The following MMRN2 variants were observed in gnomAD, a reference collection of about 807,000 sequenced individuals.
The protein encoded by MMRN2 is multimerin-2.
A neutral mutation model predicts 68.8 loss-of-function variants in MMRN2; 53 were observed. The ratio of observed to expected loss-of-function variants is 0.77; its 90% CI spans 0.62 to 0.97. The LOEUF is 0.97. Among genes scored for constraint, MMRN2 ranks in the 50% least tolerant of loss-of-function variants. The pLI, the probability that MMRN2 is intolerant of heterozygous loss-of-function variation, is 0.00. For missense variants in MMRN2, 1,266 were observed against 1,259.5 expected, an observed-to-expected ratio of 1.01 and a Z score of -0.08; for synonymous variants, 564 against 551.6, an observed-to-expected ratio of 1.02 and a Z score of -0.32.
rs746060973 is a variant in MMRN2 at position 86,945,385 on chromosome 10, T to C, written c.385A>G (p.Asn129Asp). 28 of 1,589,252 alleles carry C rather than the reference T, an allele frequency of 1.8e-5. No individual in the cohort carries two copies. Among genetic ancestry groups the C allele is most frequent in the Non-Finnish European group, 2.3e-5 (27 of 1,167,128 alleles). Reference protein sequence around the residue: ...WRCCPGYTGPNCEHHDSMAIP... With the variant: ...WRCCPGYTGPDCEHHDSMAIP... ...GGAGCCCTACCGTGGTGCTCGCAGT[T>C]GGGGCCCGTGTAGCCAGGGCAGCAC... Residue 129 changes from asparagine (N) to aspartate (D), a missense_variant, in exon 3 of 7, where the codon AAC (asparagine) becomes GAC (aspartate). Coordinates refer to ENST00000372027, the MANE Select transcript of MMRN2 (RefSeq NM_024756.3).
Position 86,937,006 on chromosome 10 carries a change from G to T in MMRN2, c.2587C>A (p.Arg863=). 1 of 1,614,202 alleles carries T rather than the reference G, an allele frequency of 6.2e-7. No homozygotes were observed. The highest frequency in any genetic ancestry group is 8.5e-7 in the Non-Finnish European group (1 of 1,180,042). ...AGGTAGACACCACGCTCAGGGGCTC[G>T]GAAGTAGCCATGTTCAGGGAAGTAG... is the stretch of plus-strand genomic sequence containing the variant. ...SSYFPEHGYF[R]APERGVYLFA... is the part of the protein sequence containing the mutation. Residue 863 remains arginine (R), a synonymous_variant, in exon 7 of 7, where the codon CGA becomes AGA. Transcript: ENST00000372027.
Position 86,955,954 on chromosome 10 carries a change from A to G in MMRN2, c.164+1424T>C, listed in dbSNP as rs145875839. Among the ~76,000 whole-genome samples, 473 of 152,202 alleles carry G rather than the reference A, an allele frequency of 3.1e-3. 3 individuals are homozygous for G. Among genetic ancestry groups the G allele is most frequent in the African/African-American group, 0.01 (421 of 41,540 alleles). ...CCCAAACCCTCACTCCTTGGGGCTA[A>G]GGGAGCAATGTCTCTCCCACAACCA... On this transcript the variant is annotated intron_variant, in intron 1 of 6. Transcript: ENST00000372027.
intron 1 of MMRN2, among the ~76,000 whole-genome samples, chr10:86,947,150 C>T (rs1048743734): frequency 1.3e-5 from 2 of 152,084 alleles, no homozygotes; most frequent in African/African-American, 4.8e-5. Context: ...GCTGTGTCCA[C>T]GGTCTGGGGA....
At position 86,942,745 on chromosome 10, in the gene MMRN2, G is replaced by A; in HGVS notation, c.2039C>T (p.Pro680Leu). ...CTCCTCGCGGCCCGCGTCGTGGCTGGGCTCCAGGTGCTCTGCCGGCCGCGG... is the reference window on the plus strand; with the variant it reads ...CTCCTCGCGGCCCGCGTCGTGGCTGAGCTCCAGGTGCTCTGCCGGCCGCGG... ...EPPRPAEHLE[P>L]SHDAGREEAA... Residue 680 changes from proline to leucine, a missense_variant, in exon 6 of 7, where the codon CCC becomes CTC. Pro to Leu is a moderately conservative substitution (Grantham distance 98, BLOSUM62 -3). Transcript: ENST00000372027. 3 of 1,402,046 alleles carry A rather than the reference G, an allele frequency of 2.1e-6. No homozygotes were observed. Among genetic ancestry groups the A allele is most frequent in the Non-Finnish European group, 2.8e-6 (3 of 1,086,230 alleles). The allele number at this position is 1,402,046 out of a possible 1,614,324, so 86.9% of individuals were successfully genotyped here.
Position 86,936,285 on chromosome 10 carries a change from G to A in MMRN2, c.*458C>T. 1 of 420,118 alleles carries A rather than the reference G, an allele frequency of 2.4e-6. No individual in the cohort carries two copies. The highest frequency in any genetic ancestry group is 4.2e-6 in the Non-Finnish European group (1 of 238,504). The allele number at this position is 420,118 out of a possible 1,614,324, so 26.0% of individuals were successfully genotyped here. On this transcript the variant is annotated 3_prime_UTR_variant, in exon 7 of 7. Transcript: ENST00000372027. ...TGCCCTCTAGTGCTTTCCAATGTTG[G>A]CCAAAATGTTGCCTCCATTTTAAAC...
rs1843884581 is a variant in MMRN2 at position 86,936,735 on chromosome 10, G to A, written c.*8C>T. The A allele has an allele frequency of 6.2e-7, 1 of 1,613,380 alleles. No homozygotes were observed. Among genetic ancestry groups the A allele is most frequent in the Non-Finnish European group, 8.5e-7 (1 of 1,179,460 alleles). The stretch of plus-strand genomic sequence containing the variant: ...GTCCATGATGTCTGATCAGATTGGG[G>A]CTGGGGTTCAGGTCTTAAACATCAG... On this transcript the variant is annotated 3_prime_UTR_variant, in exon 7 of 7. Coordinates refer to ENST00000372027, the MANE Select transcript of MMRN2 (RefSeq NM_024756.3).
Position 86,944,141 on chromosome 10 carries a change from T to C in MMRN2, c.656-13A>G. ...CTATCAGGGAACTCTGCAACAGACA[T>C]GTGGTGTGACACAAGCCCTGCAGGA... is the stretch of plus-strand genomic sequence containing the variant. On this transcript the variant is annotated splice_polypyrimidine_tract_variant and intron_variant, in intron 5 of 6. Transcript: ENST00000372027. The C allele has an allele frequency of 4.3e-6, 7 of 1,610,358 alleles. No homozygotes were observed. The highest frequency in any genetic ancestry group is 1.7e-4 in the Middle Eastern group (1 of 6,052).
chr10:86,944,145 G>T lies in MMRN2; in HGVS notation c.656-17C>A, dbSNP rs1251941362. ...CAGGGAACTCTGCAACAGACATGTG[G>T]TGTGACACAAGCCCTGCAGGAGCAG... On this transcript the variant is annotated splice_polypyrimidine_tract_variant and intron_variant, in intron 5 of 6. Coordinates refer to ENST00000372027, the MANE Select transcript of MMRN2 (RefSeq NM_024756.3). The T allele has an allele frequency of 6.2e-7, 1 of 1,609,236 alleles. No homozygotes were observed. The highest frequency in any genetic ancestry group is 1.3e-5 in the African/African-American group (1 of 74,822).
At chr10:86,951,975 G>A (rs1457714793) in intron 1 of MMRN2, among the ~76,000 whole-genome samples, 1 of 152,206 alleles carries the variant, frequency 6.6e-6, no homozygotes, top group African/African-American at 2.4e-5. Context: ...TTGAGCTGAG[G>A]AGGTGGAGGT....
chr10:86,943,409 C>T lies in MMRN2; in HGVS notation c.1375G>A (p.Glu459Lys). The change falls in exon 6 of 7, where the codon GAG (glutamate) becomes AAG (lysine). Residue 459 changes from glutamate (E) to lysine (K), a missense_variant. Physicochemically the swap from Glu to Lys is moderately conservative, Grantham distance 56 (BLOSUM62 1). Coordinates refer to ENST00000372027, the MANE Select transcript of MMRN2 (RefSeq NM_024756.3). This position sits in a 1 kb window ranked among gnomAD's most constrained non-coding sequence, Gnocchi z 4.2. ...TGCCGCTCCACCTCCTCCTTGTTCT[C>T]CTCCATGATCAGAGACTTCTCCATC... The part of the protein sequence containing the change: ...ILMEKSLIME[E>K]NKEEVERQLL... The T allele has an allele frequency of 6.2e-7, 1 of 1,614,070 alleles. No homozygotes were observed. Among genetic ancestry groups the T allele is most frequent in the Non-Finnish European group, 8.5e-7 (1 of 1,179,936 alleles).
At chr10:86,941,431 G>A (rs999994540) in intron 6 of MMRN2, among the ~76,000 whole-genome samples, 1 of 152,160 alleles carries the variant, frequency 6.6e-6, no homozygotes, top group Non-Finnish European at 1.5e-5. Context: ...AAAGTTATAT[G>A]AATGTGGTGT....
Position 86,936,282 on chromosome 10 carries a change from T to C in MMRN2, c.*461A>G. On this transcript the variant is annotated 3_prime_UTR_variant, in exon 7 of 7. Coordinates refer to ENST00000372027, the MANE Select transcript of MMRN2 (RefSeq NM_024756.3). ...CATTGCCCTCTAGTGCTTTCCAATG[T>C]TGGCCAAAATGTTGCCTCCATTTTA... 1.4e-5 allele frequency: 6 copies of C among 421,070 alleles called. No individual in the cohort carries two copies. In the East Asian group the frequency reaches 2.0e-4, roughly 14 times the overall value. 26.1% of individuals were successfully genotyped at this position (421,070 alleles called of 1,614,324 possible).
At chr10:86,946,822 A>G (rs551696851) in intron 1 of MMRN2, among the ~76,000 whole-genome samples, 3 of 152,284 alleles carry the variant, frequency 2.0e-5, no homozygotes, top group Admixed American at 2.0e-4. Context: ...TCCCTTCAGG[A>G]TCCCCAGGGA....
intron 6 of MMRN2, among the ~76,000 whole-genome samples, chr10:86,937,467 C>T (rs1377783923): frequency 2.2e-5 from 3 of 138,234 alleles, no homozygotes; most frequent in African/African-American, 5.4e-5. Flanking sequence ...TTTTTTTTAA[C>T]GTAGAGATGG....
rs796239159 is a variant in MMRN2, at chr10:86,943,427, TCTC to T, written c.1354_1356del (p.Glu452del). On this transcript the variant is annotated inframe_deletion, in exon 6 of 7. Coordinates refer to ENST00000372027, the MANE Select transcript of MMRN2 (RefSeq NM_024756.3). The surrounding 1 kb of genome is among the most constrained non-coding windows in gnomAD (Gnocchi z 4.2). ...TTGTTCTCCTCCATGATCAGAGACT[TCTC>T]CATCAGGATCACGCGCAGCTCACGG... The T allele has an allele frequency of 6.2e-7, 1 of 1,614,080 alleles. No homozygotes were observed. Among genetic ancestry groups the T allele is most frequent in the South Asian group, 1.1e-5 (1 of 91,080 alleles).
At chr10:86,951,581 C>T (rs1214592808) in intron 1 of MMRN2, among the ~76,000 whole-genome samples, 4 of 152,194 alleles carry the variant, frequency 2.6e-5, no homozygotes, top group Non-Finnish European at 4.4e-5. Context: ...ATAAATGAAC[C>T]AGCCTGTCTG....
Position 86,942,926 on chromosome 10 carries a change from C to T in MMRN2, c.1858G>A (p.Glu620Lys). The change falls in exon 6 of 7, where the codon GAG becomes AAG. Residue 620 changes from glutamate to lysine, a missense_variant. Physicochemically the swap from Glu to Lys is moderately conservative, Grantham distance 56. Coordinates refer to ENST00000372027, the MANE Select transcript of MMRN2 (RefSeq NM_024756.3). ...LAALFGEEVL[E>K]EMSEQTPGPL... ...CCCGGCGTCTGCTCAGACATCTCCT[C>T]CAGCACCTCCTCCCCGAAGAGCGCG... 1 of 1,497,474 alleles carries T rather than the reference C, an allele frequency of 6.7e-7. No homozygotes were observed. Among genetic ancestry groups the T allele is most frequent in the Admixed American group, 2.0e-5 (1 of 49,390 alleles). The allele number at this position is 1,497,474 out of a possible 1,614,324, so 92.8% of individuals were successfully genotyped here.
At chr10:86,941,625 C>T (rs1298525663) in intron 6 of MMRN2, among the ~76,000 whole-genome samples, 1 of 151,734 alleles carries the variant, frequency 6.6e-6, no homozygotes, top group Non-Finnish European at 1.5e-5. Context: ...TAGCAAGACC[C>T]TGTCTCTACA....
chr10:86,941,838 CAAAAAAAAAA>C (rs1564731166), intron 6 of MMRN2, among the ~76,000 whole-genome samples: 13 of 29,402 alleles, frequency 4.4e-4, no homozygotes, highest in African/African-American at 1.1e-3. Context: ...AAAAAAAAAA[CAAAAAAAAAA>C]CTAAAATCAT....
Sources: allele counts gnomAD v4.1 joint callset (sites outside exome capture counted in the v4.1 genomes callset), GRCh38; gene constraint gnomAD v4.1.1; non-coding constraint Gnocchi (gnomAD v3.1); transcripts MANE v1.5; gene names NCBI Gene and HGNC (gene_info 2026-07-23, HGNC 2026-07-21).